CFAP70: variants seen among roughly 807,000 people sequenced by gnomAD.
CFAP70 encodes the protein cilia- and flagella-associated protein 70.
A neutral mutation model predicts 137.6 loss-of-function variants in CFAP70; 81 were observed. The ratio of observed to expected loss-of-function variants is 0.59; its 90% confidence interval spans 0.49 to 0.71. The LOEUF (loss-of-function observed/expected upper bound fraction) is 0.71. Ranked by LOEUF, CFAP70 falls within the 30% of genes least tolerant of loss-of-function variation. CFAP70 has a pLI of 0.00. For synonymous variants in CFAP70, 382 were observed against 423.6 expected, an observed-to-expected ratio of 0.90 and a Z score of 1.20; for missense variants, 976 against 1,226.7, an observed-to-expected ratio of 0.80 and a Z score of 3.05.
chr10:73,254,211 T>A, intron 26 of CFAP70, 156 bp from the exon 28 acceptor site: 1 of 462,472 alleles, frequency 2.2e-6, no homozygotes, highest in Non-Finnish European at 3.8e-6. Flanking sequence ...AAAACTCCAG[T>A]AGAAGACCTT....
chr10:73,270,622 G>A (rs1564759034), intron 24 of CFAP70, among the ~76,000 whole-genome samples: 3 of 143,802 alleles, frequency 2.1e-5, no homozygotes, highest in Admixed American at 7.2e-5. Context: ...TGCAACCTCC[G>A]CCTCCCAGGT....
At chr10:73,341,201 C>T (rs1024194823) in intron 6 of CFAP70, among the ~76,000 whole-genome samples, 198 bp downstream of exon 7, 3 of 152,118 alleles carry the variant, frequency 2.0e-5, no homozygotes, top group Non-Finnish European at 4.4e-5. Flanking sequence ...ATAAAGAGTA[C>T]ATGTGATATA....
chr10:73,351,593 T>G (rs2054277563), intron 3 of CFAP70, among the ~76,000 whole-genome samples: 1 of 152,044 alleles, frequency 6.6e-6, no homozygotes, highest in Non-Finnish European at 1.5e-5. Context: ...CCACCACGCC[T>G]GGCTAATATT....
chr10:73,361,006 T>A (rs984543413), upstream of CFAP70, among the ~76,000 whole-genome samples: 1 of 151,880 alleles, frequency 6.6e-6, no homozygotes, highest in African/African-American at 2.4e-5. Flanking sequence ...ATTTTCTTTT[T>A]TTTTTTTTTT....
intron 12 of CFAP70, among the ~76,000 whole-genome samples, chr10:73,304,158 G>A (rs1215884898): frequency 6.6e-6 from 1 of 151,964 alleles, no homozygotes; most frequent in Non-Finnish European, 1.5e-5. Flanking sequence ...CTGGGTTCAA[G>A]CAATTCTGCC....
At chr10:73,261,598 A>G (rs1033400948) in intron 25 of CFAP70, among the ~76,000 whole-genome samples, 9 of 152,096 alleles carry the variant, frequency 5.9e-5, no homozygotes, top group Admixed American at 1.3e-4. Context: ...CCATAATTCA[A>G]TCAGCTCCCA....
intron 8 of CFAP70, among the ~76,000 whole-genome samples, chr10:73,324,538 G>A (rs1399224926): frequency 2.0e-5 from 3 of 152,120 alleles, no homozygotes; most frequent in African/African-American, 4.8e-5. Flanking sequence ...AAACTACTCC[G>A]AGCTACAGGA....
chr10:73,262,023 TTATATATG>T (rs59266646), intron 25 of CFAP70, among the ~76,000 whole-genome samples: 6,136 of 145,460 alleles, frequency 0.042, 407 homozygotes, highest in African/African-American at 0.14. Flanking sequence ...TATGTATATA[TTATATATG>T]TATATATGTA....
rs2051650947 is a variant in CFAP70, at chr10:73,327,989, T to C, written c.777+3188A>G. ...TCTTCACAGAATTGGAAAAAACTAC[T>C]TTAAAGTTGTTATGGAACCAAAAAA... On this transcript the variant is annotated intron_variant, in intron 8 of 26. Transcript: ENST00000310715. Among the ~76,000 whole-genome samples, 3 of 152,148 alleles carry C rather than the reference T, an allele frequency of 2.0e-5. No homozygotes were observed. The South Asian group carries it at 6.2e-4, about 32-fold the overall frequency.
intron 24 of CFAP70, among the ~76,000 whole-genome samples, chr10:73,270,515 C>CCTTCCCA (rs2046196904): frequency 2.3e-5 from 1 of 42,622 alleles, no homozygotes; most frequent in Non-Finnish European, 5.2e-5. Flanking sequence ...CTTCCCCTCC[C>CCTTCCCA]CTCCCCTCCC....
intron 9 of CFAP70, 51 bp from the exon 11 acceptor site, chr10:73,312,694 A>G (rs763289293): frequency 1.4e-6 from 2 of 1,428,740 alleles, no homozygotes. Context: ...GACAAACTTG[A>G]AAGAAATACA....
rs114501296 is a variant in CFAP70 at position 73,263,845 on chromosome 10, C to T, written c.3027+5769G>A. Among the ~76,000 whole-genome samples the T allele has an allele frequency of 1.3e-3, 203 of 152,342 alleles. 3 individuals are homozygous for T. The highest frequency in any genetic ancestry group is 4.8e-3 in the African/African-American group (198 of 41,584). On this transcript the variant is annotated intron_variant, in intron 25 of 26. Coordinates refer to ENST00000310715, the Ensembl canonical transcript of CFAP70. ...TTTAGCATACATTGATGATTGTCCACTGAATCTATTATGATGGTTTCCAAA... is the reference window on the plus strand; with the variant it reads ...TTTAGCATACATTGATGATTGTCCATTGAATCTATTATGATGGTTTCCAAA...
intron 25 of CFAP70, among the ~76,000 whole-genome samples, chr10:73,262,286 G>A (rs1313623156): frequency 6.6e-6 from 1 of 151,954 alleles, no homozygotes; most frequent in African/African-American, 2.4e-5. Context: ...CTCCCAGGAT[G>A]TGAGTCATCC....
chr10:73,351,025 A>ATGTGTATATG (rs2054171310), intron 3 of CFAP70, among the ~76,000 whole-genome samples: 3 of 136,636 alleles, frequency 2.2e-5, no homozygotes, highest in African/African-American at 8.3e-5. Flanking sequence ...GTGTATATAT[A>ATGTGTATATG]TGTGTATATG....
intron 13 of CFAP70, among the ~76,000 whole-genome samples, chr10:73,299,394 C>T (rs562268143): frequency 1.3e-5 from 2 of 152,186 alleles, no homozygotes; most frequent in African/African-American, 4.8e-5. Flanking sequence ...GTAAAATGCC[C>T]TTTTCTTCCC....
intron 3 of CFAP70, among the ~76,000 whole-genome samples, 176 bp downstream of exon 3, chr10:73,353,380 G>A (rs983516854): frequency 6.6e-6 from 1 of 152,156 alleles, no homozygotes; most frequent in Non-Finnish European, 1.5e-5. Flanking sequence ...AATGGCAGCT[G>A]TTCAAGATTT....
intron 19 of CFAP70, among the ~76,000 whole-genome samples, chr10:73,281,999 C>A (rs949762610): frequency 3.3e-5 from 5 of 152,176 alleles, no homozygotes; most frequent in Non-Finnish European, 7.4e-5. Context: ...GGAAAAGGGG[C>A]TGACTGGGTT....
intron 9 of CFAP70, among the ~76,000 whole-genome samples, chr10:73,320,642 A>C (rs2050766294): frequency 6.6e-6 from 1 of 151,200 alleles, no homozygotes. Flanking sequence ...TTTCCCATTT[A>C]ACTATCTATA....
chr10:73,348,179 C>G (rs187667449), intron 4 of CFAP70: 7 of 1,614,182 alleles, frequency 4.3e-6, no homozygotes, highest in Non-Finnish European at 5.9e-6. Flanking sequence ...CTAGGAGTTT[C>G]TAAGGGTGAG....
Sources: allele counts gnomAD v4.1 joint callset (sites outside exome capture counted in the v4.1 genomes callset), GRCh38; gene constraint gnomAD v4.1.1; transcripts MANE v1.5; gene names NCBI Gene and HGNC (gene_info 2026-07-23, HGNC 2026-07-21).